The following MAP3K5 variants were observed in gnomAD, a reference collection of about 807,000 sequenced individuals.
MAP3K5 encodes the protein ASK-1.
In MAP3K5, 56 loss-of-function variants were observed where a neutral mutation model predicts 158.7. The ratio of observed to expected loss-of-function variants is 0.35; its 90% CI spans 0.28 to 0.44. MAP3K5 has a LOEUF of 0.44. MAP3K5 is among the 20% of genes least tolerant of loss of function. The probability of loss-of-function intolerance (pLI) is 1.00; values close to 1 mark genes in which losing one functional copy is unlikely to be tolerated. For synonymous variants in MAP3K5, 579 were observed against 601.7 expected (o/e 0.96, Z 0.55); for missense variants, 1,294 against 1,674.8 (o/e 0.77, Z 3.97).
chr6:136,706,548 T>C (rs1781085134), intron 2 of MAP3K5, among the ~76,000 whole-genome samples: 1 of 152,148 alleles, frequency 6.6e-6, no homozygotes, highest in Non-Finnish European at 1.5e-5. Flanking sequence ...ATGGCATGAA[T>C]GTTGCCATGG....
chr6:136,619,824 A>G (rs1261266966), intron 15 of MAP3K5, among the ~76,000 whole-genome samples: 2 of 152,244 alleles, frequency 1.3e-5, no homozygotes, highest in Non-Finnish European at 2.9e-5. Context: ...GATACAACAA[A>G]CAGTACGACT....
intron 19 of MAP3K5, 57 bp from the exon 20 acceptor site, chr6:136,602,036 G>A: frequency 2.1e-6 from 3 of 1,419,450 alleles, no homozygotes; most frequent in Non-Finnish European, 2.9e-6. Flanking sequence ...CTCAGCACCT[G>A]AACTCCAGCT....
intron 1 of MAP3K5, 27 bp downstream of exon 1, chr6:136,791,683 G>T: frequency 1.2e-6 from 2 of 1,610,112 alleles, no homozygotes; most frequent in Non-Finnish European, 1.7e-6. Flanking sequence ...CCGACCGCGC[G>T]GGATGGGAAA....
At chr6:136,730,745 A>G (rs1179422995) in intron 1 of MAP3K5, among the ~76,000 whole-genome samples, 11 of 146,888 alleles carry the variant, frequency 7.5e-5, no homozygotes, top group African/African-American at 2.2e-4. Context: ...AAAAAAAAAG[A>G]GTCACAGCAA....
At chr6:136,598,900 G>GC (rs1775750083) in intron 21 of MAP3K5, among the ~76,000 whole-genome samples, 1 of 152,180 alleles carries the variant, frequency 6.6e-6, no homozygotes, top group Non-Finnish European at 1.5e-5. Context: ...TTTAGGCAAG[G>GC]CATGGTGGCA....
Position 136,614,044 on chromosome 6 carries a change from A to G in MAP3K5, c.2278+115T>C, listed in dbSNP as rs754453217. 1.2e-4 allele frequency: 139 copies of G among 1,152,816 alleles called. 1 individual carries two copies. Among genetic ancestry groups the G allele is most frequent in the Non-Finnish European group, 1.4e-4 (118 of 833,346 alleles). The allele number at this position is 1,152,816 out of a possible 1,614,324, so 71.4% of individuals were successfully genotyped here. The stretch of plus-strand genomic sequence containing the variant: ...AACTGGAGGTAATGTCACATGTCCA[A>G]TTTTTCTTTCAGTTTAGACAGATTA... On this transcript the variant is annotated intron_variant, in intron 16 of 29. Coordinates refer to ENST00000359015, the MANE Select transcript of MAP3K5 (RefSeq NM_005923.4).
chr6:136,754,733 C>T (rs1329579356), intron 1 of MAP3K5, among the ~76,000 whole-genome samples: 1 of 152,184 alleles, frequency 6.6e-6, no homozygotes, highest in South Asian at 2.1e-4. Context: ...TCGGGAAGAA[C>T]AGGACACCCA....
chr6:136,567,560 T>C (rs899700832), intron 26 of MAP3K5, 71 bp downstream of exon 26: 2 of 1,473,724 alleles, frequency 1.4e-6, no homozygotes, highest in Non-Finnish European at 1.8e-6. Flanking sequence ...TCATATTCTG[T>C]AGACCAAAAA....
intron 1 of MAP3K5, among the ~76,000 whole-genome samples, chr6:136,722,735 G>A (rs1241785207): frequency 7.1e-6 from 1 of 140,864 alleles, no homozygotes; most frequent in African/African-American, 2.6e-5. Context: ...CTAGAGTGCA[G>A]TGACAAAATC....
intron 1 of MAP3K5, among the ~76,000 whole-genome samples, chr6:136,724,248 C>CTTT (rs1213577934): frequency 3.0e-5 from 4 of 134,656 alleles, no homozygotes; most frequent in Non-Finnish European, 4.8e-5. Flanking sequence ...GAGAAACTGA[C>CTTT]TTTTTTTTTT....
chr6:136,614,151 T>A lies in MAP3K5; in HGVS notation c.2278+8A>T, dbSNP rs114824668. ...TTCACACTTTTTAAAGAAAGAAATA[T>A]CTCTTACCTCCAGGGACCTGCTCCA... On this transcript the variant is annotated splice_region_variant and intron_variant, in intron 16 of 29. Transcript: ENST00000359015. 2 of 1,609,162 alleles carry A rather than the reference T, an allele frequency of 1.2e-6. No homozygotes were observed. The highest frequency in any genetic ancestry group is 4.5e-5 in the East Asian group (2 of 44,810).
At chr6:136,783,572 C>T (rs1387789560) in intron 1 of MAP3K5, among the ~76,000 whole-genome samples, 1 of 152,160 alleles carries the variant, frequency 6.6e-6, no homozygotes, top group African/African-American at 2.4e-5. Flanking sequence ...TGCAACACTG[C>T]CCACCTCCAC....
chr6:136,774,275 AC>A (rs1375522921), intron 1 of MAP3K5, among the ~76,000 whole-genome samples: 1 of 151,980 alleles, frequency 6.6e-6, no homozygotes, highest in Non-Finnish European at 1.5e-5. Context: ...ACATGGCAAA[AC>A]CCCATCTCTA....
intron 9 of MAP3K5, among the ~76,000 whole-genome samples, chr6:136,658,494 T>C (rs373942474): frequency 2.1e-4 from 32 of 152,024 alleles, no homozygotes; most frequent in African/African-American, 7.0e-4. Flanking sequence ...TTTGTAGTTT[T>C]AGTAGAGATG....
intron 24 of MAP3K5, among the ~76,000 whole-genome samples, chr6:136,582,514 T>G (rs1217801119): frequency 1.3e-5 from 2 of 152,210 alleles, no homozygotes; most frequent in Non-Finnish European, 2.9e-5. Context: ...GTGATAGGCT[T>G]TGCCAGTTGC....
At position 136,791,953 on chromosome 6, in the gene MAP3K5, C is replaced by T; in HGVS notation, c.205G>A (p.Ala69Thr). 1 of 1,611,322 alleles carries T rather than the reference C, an allele frequency of 6.2e-7. No individual in the cohort carries two copies. The highest frequency in any genetic ancestry group is 8.5e-7 in the Non-Finnish European group (1 of 1,179,122). ...GTGGCACTGCTCGAGGAGGTGGCCG[C>T]CGGACAACCGATGCCAGGGGCAGCG... Reference protein sequence around the residue: ...SAAAPGIGCPAATSSSSATRG... With the variant: ...SAAAPGIGCPTATSSSSATRG... The change falls in exon 1 of 30, where the codon GCG becomes ACG. Residue 69 changes from alanine to threonine, a missense_variant. This residue lies in a region of MAP3K5 where 690 missense variants were observed against 870.5 expected (regional missense o/e 0.79). Coordinates refer to ENST00000359015, the MANE Select transcript of MAP3K5 (RefSeq NM_005923.4).
chr6:136,658,317 T>C (rs866616130), intron 9 of MAP3K5, among the ~76,000 whole-genome samples: 21 of 135,720 alleles, frequency 1.5e-4, no homozygotes, highest in Admixed American at 2.2e-4. Context: ...TTCTTTCTTT[T>C]TTTTTTTTTT....
At chr6:136,694,029 T>A in intron 7 of MAP3K5, 111 bp downstream of exon 7, 1 of 797,412 alleles carries the variant, frequency 1.3e-6, no homozygotes, top group Admixed American at 2.7e-5. Flanking sequence ...GTTTAGTTCA[T>A]AATACACAAT....
At chr6:136,574,669 AAAAAGATT>A (rs1194768113) in intron 25 of MAP3K5, among the ~76,000 whole-genome samples, 1 of 151,890 alleles carries the variant, frequency 6.6e-6, no homozygotes, top group African/African-American at 2.4e-5. Flanking sequence ...TCCTTTTGGA[AAAAAGATT>A]AAACACTTTT....
Sources: allele counts gnomAD v4.1 joint callset (sites outside exome capture counted in the v4.1 genomes callset), GRCh38; gene constraint gnomAD v4.1.1; regional missense constraint gnomAD v4.1.1; transcripts MANE v1.5; gene names NCBI Gene and HGNC (gene_info 2026-07-23, HGNC 2026-07-21).